CHD9: variants seen among roughly 807,000 people sequenced by gnomAD.
CHD9 encodes chromodomain helicase DNA binding protein 9.
CHD9 carries 77 observed loss-of-function variants against 316.1 expected under a neutral mutation model. The observed-to-expected ratio is 0.24, with a 90% CI of 0.20 to 0.29. The LOEUF (loss-of-function observed/expected upper bound fraction) is 0.29. CHD9 is among the 10% of genes least tolerant of loss of function. CHD9 has a pLI of 1.00. For missense variants in CHD9, 2,763 were observed against 3,438.1 expected (o/e 0.80, Z 4.91); for synonymous variants, 1,129 against 1,158.3 (o/e 0.97, Z 0.51).
chr16:53,256,655 T>G (rs1479177442), intron 19 of CHD9, among the ~76,000 whole-genome samples: 6 of 151,478 alleles, frequency 4.0e-5, no homozygotes. Context: ...TCCTTTTTTT[T>G]TTTTTTCCAA....
chr16:53,268,159 T>A, intron 22 of CHD9, 33 bp downstream of exon 22: 1 of 1,398,216 alleles, frequency 7.2e-7, no homozygotes, highest in African/African-American at 1.4e-5. Flanking sequence ...TTTTAAAATT[T>A]ATTTTTAGTT....
chr16:53,311,521 A>C (rs1273252151), intron 34 of CHD9: 4 of 152,258 alleles, frequency 2.6e-5, no homozygotes, highest in Admixed American at 2.0e-4. Flanking sequence ...TTTTAGAATT[A>C]GATGTTTAAC....
chr16:53,095,281 C>T (rs193066660), intron 1 of CHD9, among the ~76,000 whole-genome samples: 111 of 152,252 alleles, frequency 7.3e-4, no homozygotes, highest in Middle Eastern at 3.4e-3. Context: ...CGCAGTGGTT[C>T]ATACCTATAA....
Position 53,318,515 on chromosome 16 carries a change from G to A in CHD9, c.7713+175G>A, listed in dbSNP as rs1020342318. On this transcript the variant is annotated intron_variant, in intron 37 of 38. Transcript: ENST00000447540. Reference sequence around the variant, plus strand: ...TTTATGCAGTCTAATTTCAAATCTTGCTTCATTAGCTGAGCTATTACATGA... The same window carrying A: ...TTTATGCAGTCTAATTTCAAATCTTACTTCATTAGCTGAGCTATTACATGA... Among the ~76,000 whole-genome samples, 3 of 152,198 alleles carry A rather than the reference G, an allele frequency of 2.0e-5. No homozygotes were observed. The South Asian group carries it at 6.2e-4, about 31-fold the overall frequency.
At chr16:53,159,378 C>T (rs1481694163) in intron 2 of CHD9, among the ~76,000 whole-genome samples, 1 of 152,074 alleles carries the variant, frequency 6.6e-6, no homozygotes, top group African/African-American at 2.4e-5. Context: ...GAACATATTA[C>T]TTTTATAATA....
intron 8 of CHD9, among the ~76,000 whole-genome samples, chr16:53,229,311 C>T (rs1270962625): frequency 1.3e-5 from 2 of 152,060 alleles, no homozygotes; most frequent in Non-Finnish European, 2.9e-5. Context: ...GTAGATCATG[C>T]TTGTATTTTT....
At chr16:53,247,128 G>A (rs1046787394) in intron 15 of CHD9, among the ~76,000 whole-genome samples, 165 bp from the exon 16 acceptor site, 3 of 152,184 alleles carry the variant, frequency 2.0e-5, no homozygotes, top group Non-Finnish European at 4.4e-5. Flanking sequence ...GGTATTGGTG[G>A]AGGTTCAGCA....
At chr16:53,118,328 A>C (rs2038477574) in intron 1 of CHD9, among the ~76,000 whole-genome samples, 1 of 152,104 alleles carries the variant, frequency 6.6e-6, no homozygotes, top group Non-Finnish European at 1.5e-5. Flanking sequence ...GAGGCATGAG[A>C]ATCGCTTGAC....
In CHD9 at chr16:53,082,113, A is replaced by G. The variant is rs576863409; in HGVS notation, c.-165+27036A>G. Among the ~76,000 whole-genome samples, 61 of 152,326 alleles carry G rather than the reference A, an allele frequency of 4.0e-4. No homozygotes were observed. The South Asian group carries it at 6.0e-3, about 15-fold the overall frequency. ...GCTTTAACCTTGGTGTTGGTGTTCC[A>G]TATCAGGAGGAAGGACTATTTTCCA... On this transcript the variant is annotated intron_variant, in intron 1 of 38. Transcript: ENST00000447540.
chr16:53,205,326 A>G (rs1800468954), intron 2 of CHD9, among the ~76,000 whole-genome samples: 1 of 152,210 alleles, frequency 6.6e-6, no homozygotes, highest in Non-Finnish European at 1.5e-5. Flanking sequence ...AGACTTTGGT[A>G]TATGTTTTCT....
chr16:53,163,196 A>G (rs1072684), intron 2 of CHD9, among the ~76,000 whole-genome samples: 4,924 of 152,078 alleles, frequency 0.032, 100 homozygotes, highest in Middle Eastern at 0.071. Context: ...GCCATTTCCC[A>G]TATACATATT....
At chr16:53,131,802 C>A (rs2039341738) in intron 1 of CHD9, among the ~76,000 whole-genome samples, 1 of 152,176 alleles carries the variant, frequency 6.6e-6, no homozygotes, top group Non-Finnish European at 1.5e-5. Context: ...ACGTCCCCGG[C>A]GCTTTCCCAG....
chr16:53,314,507 A>G lies in CHD9; in HGVS notation c.7353A>G (p.Pro2451=), dbSNP rs2056733627. Residue 2451 remains proline (P), a synonymous_variant, in exon 35 of 39, where the codon CCA becomes CCG. Transcript: ENST00000447540. ...VDIFFFNRNK[P]PNHVSLGLTS... is the part of the protein sequence containing the mutation. ...TCTTCTTTTTTAACAGAAATAAACCACCTAATCATGTAAGTAAAGCAGTAC... is the reference window on the plus strand; with the variant it reads ...TCTTCTTTTTTAACAGAAATAAACCGCCTAATCATGTAAGTAAAGCAGTAC... 1.9e-6 allele frequency: 3 copies of G among 1,571,478 alleles called. No homozygotes were observed. The highest frequency in any genetic ancestry group is 1.9e-5 in the Admixed American group (1 of 53,324).
intron 31 of CHD9, among the ~76,000 whole-genome samples, 174 bp from the exon 32 acceptor site, chr16:53,306,063 A>C (rs1168110513): frequency 6.6e-6 from 1 of 152,102 alleles, no homozygotes; most frequent in Non-Finnish European, 1.5e-5. Flanking sequence ...GTCTCTTAAT[A>C]ATAATGATAG....
chr16:53,136,018 T>C (rs1301033765), intron 1 of CHD9, among the ~76,000 whole-genome samples: 1 of 152,130 alleles, frequency 6.6e-6, no homozygotes, highest in East Asian at 1.9e-4. Context: ...TTTCAGTTAT[T>C]AGCTTGTAAG....
At position 53,229,036 on chromosome 16, in the gene CHD9, G is replaced by A. The variant is rs1452998020; in HGVS notation, c.2222G>A (p.Arg741Lys). The change falls in exon 8 of 39, where the codon AGG becomes AAG. Residue 741 changes from arginine (R) to lysine (K), a missense_variant. Coordinates refer to ENST00000447540, the MANE Select transcript of CHD9 (RefSeq NM_001308319.2). ...GAAGAGCAGCTTTTGAAAGATAAAA[G>A]GATCCAGCAGAAAATCAAACGATTC... Reference protein sequence around the residue: ...ATEEQLLKDKRIQQKIKRFKL... With the variant: ...ATEEQLLKDKKIQQKIKRFKL... 6.3e-7 allele frequency: 1 copy of A among 1,599,436 alleles called. No individual in the cohort carries two copies. The highest frequency in any genetic ancestry group is 1.1e-5 in the South Asian group (1 of 87,370).
intron 3 of CHD9, among the ~76,000 whole-genome samples, chr16:53,217,151 T>A (rs1455355075): frequency 6.6e-6 from 1 of 152,216 alleles, no homozygotes; most frequent in African/African-American, 2.4e-5. Context: ...CTCCTCAGAC[T>A]TTTTTCTTTT....
intron 1 of CHD9, among the ~76,000 whole-genome samples, chr16:53,082,316 C>T (rs1723681252): frequency 6.6e-6 from 1 of 152,056 alleles, no homozygotes; most frequent in Admixed American, 6.6e-5. Flanking sequence ...TGGCTCACTG[C>T]AGCCTCAACC....
chr16:53,314,576 T>A, intron 35 of CHD9, 60 bp downstream of exon 35: 2 of 1,310,730 alleles, frequency 1.5e-6, no homozygotes, highest in Non-Finnish European at 2.1e-6. Flanking sequence ...CTAATAAATA[T>A]ACATATTATT....
Sources: allele counts gnomAD v4.1 joint callset (sites outside exome capture counted in the v4.1 genomes callset), GRCh38; gene constraint gnomAD v4.1.1; transcripts MANE v1.5; gene names NCBI Gene and HGNC (gene_info 2026-07-23, HGNC 2026-07-21).